KLK14: variants seen among roughly 807,000 people sequenced by gnomAD.
KLK14 encodes the protein kallikrein related peptidase 14, also known as kallikrein-14.
A neutral mutation model predicts 24.6 loss-of-function variants in KLK14; 21 were observed. That is an observed-to-expected ratio of 0.85 (90% CI 0.61 to 1.23). KLK14 has a LOEUF of 1.23. KLK14 is among the 50% of genes most tolerant of loss of function. KLK14 has a pLI of 0.00. For missense variants in KLK14, 320 were observed against 338.9 expected, an observed-to-expected ratio of 0.94 and a Z score of 0.44; for synonymous variants, 133 against 139.7, an observed-to-expected ratio of 0.95 and a Z score of 0.34.
upstream of KLK14, among the ~76,000 whole-genome samples, chr19:51,083,295 G>A (rs964077791): frequency 2.7e-5 from 4 of 150,818 alleles, no homozygotes; most frequent in South Asian, 8.5e-4. Context: ...GGGAGAGAGA[G>A]AGAGAGAGAG....
chr19:51,078,073 G>T lies in KLK14; in HGVS notation c.690C>A (p.Tyr230Ter), dbSNP rs772892984. Residue 230 changes from tyrosine to a stop codon, truncating the protein, a stop_gained, in exon 6 of 6, where the codon TAC becomes TAA. Coordinates refer to ENST00000650543, the MANE Select transcript of KLK14 (RefSeq NM_001369775.2). LOFTEE classifies it low-confidence loss of function (END_TRUNC). The surrounding 1 kb of genome is among the most constrained non-coding windows in gnomAD (Gnocchi z 5.0). ...TGCACAGGTTGGTGTAGACACCGGGGTAGCCAGGCAGGGCGCAGCGCTCCA... is the reference window on the plus strand; with the variant it reads ...TGCACAGGTTGGTGTAGACACCGGGTTAGCCAGGCAGGGCGCAGCGCTCCA... The part of the protein sequence containing the change: ...WGMERCALPG[Y>*]PGVYTNLCKY... The T allele has an allele frequency of 6.2e-7, 1 of 1,613,960 alleles. No homozygotes were observed. The highest frequency in any genetic ancestry group is 8.5e-7 in the Non-Finnish European group (1 of 1,179,900).
Position 51,081,658 on chromosome 19 carries a change from T to C in KLK14, c.86A>G (p.His29Arg). ...CGGCTGGGAGCTCCGGGTGCACGTA[T>C]GGCCACCAATTATCTTGTTCTCATC... ...QEDENKIIGGHTCTRSSQPWQ... is the reference protein window; with the variant it reads ...QEDENKIIGGRTCTRSSQPWQ... The change falls in exon 3 of 6, where the codon CAT becomes CGT. Residue 29 changes from histidine to arginine, a missense_variant. By Grantham distance (29) the His-to-Arg change is conservative (BLOSUM62 0). Transcript: ENST00000650543. The C allele has an allele frequency of 6.4e-7, 1 of 1,552,684 alleles. No individual in the cohort carries two copies. The highest frequency in any genetic ancestry group is 8.7e-7 in the Non-Finnish European group (1 of 1,147,326).
intron 3 of KLK14, among the ~76,000 whole-genome samples, chr19:51,081,312 C>A (rs1235755329): frequency 6.6e-6 from 1 of 152,112 alleles, no homozygotes; most frequent in Non-Finnish European, 1.5e-5. Context: ...TCCATGGGTT[C>A]CAAGCTGCCC....
Position 51,078,705 on chromosome 19 carries a change from T to C in KLK14, c.603+110A>G. ...CTGGCTATCGGAATCTCTCTGTGCC[T>C]GCGGTTCACTCTCTTCTGAAGACCT... On this transcript the variant is annotated intron_variant, in intron 5 of 5. Coordinates refer to ENST00000650543, the MANE Select transcript of KLK14 (RefSeq NM_001369775.2). The surrounding 1 kb of genome is among the most constrained non-coding windows in gnomAD (Gnocchi z 5.0). 2 of 1,409,362 alleles carry C rather than the reference T, an allele frequency of 1.4e-6. No individual in the cohort carries two copies. The highest frequency in any genetic ancestry group is 2.7e-5 in the South Asian group (2 of 74,962). 87.3% of individuals were successfully genotyped at this position (1,409,362 alleles called of 1,614,324 possible). A position where few individuals can be genotyped will look rare whatever the true frequency, so the allele number is the denominator to read the frequency against.
upstream of KLK14, among the ~76,000 whole-genome samples, chr19:51,083,032 C>A (rs1023964689): frequency 1.3e-5 from 2 of 151,974 alleles, no homozygotes; most frequent in African/African-American, 2.4e-5. Flanking sequence ...CCCTCCCTCC[C>A]CTGTCTGGCC....
At chr19:51,081,942 C>T (rs370407957) in intron 2 of KLK14, among the ~76,000 whole-genome samples, 4 of 152,090 alleles carry the variant, frequency 2.6e-5, no homozygotes, top group Non-Finnish European at 4.4e-5. Context: ...TATTTTGTGC[C>T]GTGGCCACCT....
At chr19:51,080,296 T>C (rs11668091) in intron 3 of KLK14, among the ~76,000 whole-genome samples, 29,684 of 152,064 alleles carry the variant, frequency 0.2, 3,857 homozygotes, top group African/African-American at 0.37. Context: ...CGCCTCAGCC[T>C]CCCAAAGTGC....
At chr19:51,081,011 AGCG>A (rs2091836019) in intron 3 of KLK14, among the ~76,000 whole-genome samples, 1 of 152,254 alleles carries the variant, frequency 6.6e-6, no homozygotes, top group Non-Finnish European at 1.5e-5. Context: ...GTCTGCTCAT[AGCG>A]GAGCTATAGA....
At chr19:51,079,782 C>A (rs2091828293) in intron 3 of KLK14, 80 bp from the exon 4 acceptor site, 2 of 1,482,596 alleles carry the variant, frequency 1.3e-6, no homozygotes, top group Non-Finnish European at 1.8e-6. Flanking sequence ...GGTTCCCTGG[C>A]CGGGTGACGA....
In KLK14 at chr19:51,078,222, G is replaced by C. The variant is rs1220726693; in HGVS notation, c.604-63C>G. 9.1e-6 allele frequency: 14 copies of C among 1,532,628 alleles called. No individual in the cohort carries two copies. The highest frequency in any genetic ancestry group is 1.2e-5 in the Non-Finnish European group (14 of 1,124,960). 94.9% of individuals were successfully genotyped at this position (1,532,628 alleles called of 1,614,324 possible). A position where few individuals can be genotyped will look rare whatever the true frequency, so the allele number is the denominator to read the frequency against. ...AGGTAGCCAGAGCCACCATGGCACA[G>C]AGAACCCGAGAAGCAGACACAGGGA... On this transcript the variant is annotated intron_variant, in intron 5 of 5. Coordinates refer to ENST00000650543, the MANE Select transcript of KLK14 (RefSeq NM_001369775.2). The surrounding 1 kb of genome is among the most constrained non-coding windows in gnomAD (Gnocchi z 5.0).
rs1359145603 is a variant in KLK14 at position 51,078,950 on chromosome 19, G to A, written c.468C>T (p.Ala156=). 1 of 1,613,528 alleles carries A rather than the reference G, an allele frequency of 6.2e-7. No homozygotes were observed. ...SGWGTISSPI[A]RYPASLQCVN... ...CGCATTGCAGAGAGGCGGGGTACCT[G>A]GCTGGGGGACACTGCAGGGTTATAA... Residue 156 remains alanine, a splice_region_variant and synonymous_variant, in exon 5 of 6, where the codon GCC becomes GCT. Transcript: ENST00000650543. This position sits in a 1 kb window ranked among gnomAD's most constrained non-coding sequence, Gnocchi z 5.0.
At chr19:51,079,848 C>A (rs1599797058) in intron 3 of KLK14, 146 bp from the exon 4 acceptor site, 2 of 1,273,340 alleles carry the variant, frequency 1.6e-6, no homozygotes, top group East Asian at 2.6e-5. Context: ...CATTCTTGGC[C>A]TCCTGTGCCC....
intron 3 of KLK14, among the ~76,000 whole-genome samples, chr19:51,081,013 C>T (rs753212548): frequency 7.9e-5 from 12 of 152,222 alleles, no homozygotes; most frequent in East Asian, 1.9e-4. Flanking sequence ...CTGCTCATAG[C>T]GGAGCTATAG....
Position 51,079,561 on chromosome 19 carries a change from C to T in KLK14, c.354G>A (p.Gln118=). The T allele has an allele frequency of 6.2e-7, 1 of 1,614,012 alleles. No homozygotes were observed. Among genetic ancestry groups the T allele is most frequent in the Non-Finnish European group, 8.5e-7 (1 of 1,180,012 alleles). Residue 118 remains glutamine (Q), a synonymous_variant, in exon 4 of 6, where the codon CAG becomes CAA. Transcript: ENST00000650543. ...CTGCCCTCCCGATCCGTGCGGGCTG[C>T]TGTAGCTGCAGCAGCATGAGGTCGT... ...HDNDLMLLQL[Q]QPARIGRAVR...
chr19:51,082,039 C>A (rs1256116397), intron 2 of KLK14, among the ~76,000 whole-genome samples: 3 of 151,984 alleles, frequency 2.0e-5, no homozygotes, highest in Admixed American at 2.0e-4. Context: ...CACATTTCCC[C>A]CCAATGAGTC....
At chr19:51,077,576 T>TC (rs2091809874), downstream of KLK14, 1 of 193,158 alleles carries the variant, frequency 5.2e-6, no homozygotes, top group South Asian at 1.0e-4. Flanking sequence ...GGACTGGGGC[T>TC]CCTGGGTCTG....
In KLK14 at chr19:51,079,517, G is replaced by C. The variant is rs2091825785; in HGVS notation, c.398C>G (p.Thr133Ser). 2 of 1,613,756 alleles carry C rather than the reference G, an allele frequency of 1.2e-6. No homozygotes were observed. The highest frequency in any genetic ancestry group is 1.7e-6 in the Non-Finnish European group (2 of 1,180,032). ...GGTCCCGGGGCTGGCACAGGCCTGG[G>C]TGACCTCAATGGGCCTGACTGCCCT... ...IGRAVRPIEV[T>S]QACASPGTSC... The change falls in exon 4 of 6, where the codon ACC becomes AGC. Residue 133 changes from threonine (T) to serine (S), a missense_variant. Physicochemically the swap from Thr to Ser is moderately conservative, Grantham distance 58. Coordinates refer to ENST00000650543, the MANE Select transcript of KLK14 (RefSeq NM_001369775.2).
Position 51,078,069 on chromosome 19 carries a change from C to T in KLK14, c.694G>A (p.Gly232Ser), listed in dbSNP as rs570300966. The change falls in exon 6 of 6, where the codon GGT (glycine) becomes AGT (serine). Residue 232 changes from glycine to serine, a missense_variant. Physicochemically the swap from Gly to Ser is moderately conservative, Grantham distance 56. Coordinates refer to ENST00000650543, the MANE Select transcript of KLK14 (RefSeq NM_001369775.2). This position sits in a 1 kb window ranked among gnomAD's most constrained non-coding sequence, Gnocchi z 5.0. Reference protein sequence around the residue: ...MERCALPGYPGVYTNLCKYRS... With the variant: ...MERCALPGYPSVYTNLCKYRS... Reference sequence around the variant, plus strand: ...TACTTGCACAGGTTGGTGTAGACACCGGGGTAGCCAGGCAGGGCGCAGCGC... The same window carrying T: ...TACTTGCACAGGTTGGTGTAGACACTGGGGTAGCCAGGCAGGGCGCAGCGC... The T allele has an allele frequency of 2.7e-5, 43 of 1,613,906 alleles. No individual in the cohort carries two copies. The East Asian group carries it at 3.8e-4, about 14-fold the overall frequency.
chr19:51,081,680 C>T lies in KLK14; in HGVS notation c.64G>A (p.Glu22Lys). Residue 22 changes from glutamate (E) to lysine (K), a missense_variant, in exon 3 of 6, where the codon GAG (glutamate) becomes AAG (lysine). Coordinates refer to ENST00000650543, the MANE Select transcript of KLK14 (RefSeq NM_001369775.2). Reference protein sequence around the residue: ...AIAMTQSQEDENKIIGGHTCT... With the variant: ...AIAMTQSQEDKNKIIGGHTCT... The stretch of plus-strand genomic sequence containing the variant: ...GTATGGCCACCAATTATCTTGTTCT[C>T]ATCCTCTTGGCTCTGTGTCATGGCT... The T allele has an allele frequency of 6.4e-7, 1 of 1,550,684 alleles. No homozygotes were observed.
Sources: gnomAD v4.1 joint callset for allele counts (sites outside exome capture counted in the v4.1 genomes callset) on GRCh38, gnomAD v4.1.1 for gene constraint, Gnocchi (gnomAD v3.1) non-coding constraint, MANE v1.5 for transcripts, NCBI Gene and HGNC (gene_info 2026-07-23, HGNC 2026-07-21) for gene names.